GRM7: variants seen among roughly 807,000 people sequenced by gnomAD.
The protein encoded by GRM7 is metabotropic glutamate receptor 7.
A neutral mutation model predicts 84.5 loss-of-function variants in GRM7; 35 were observed. That is an observed-to-expected ratio of 0.41 (90% CI 0.32 to 0.55). The LOEUF (loss-of-function observed/expected upper bound fraction) is 0.55, where lower values mean the gene tolerates loss of function less well. GRM7 is among the 20% of genes least tolerant of loss of function. GRM7 has a pLI of 0.19. For missense variants in GRM7, 1,003 were observed against 1,194.6 expected (o/e 0.84, Z 2.36); for synonymous variants, 487 against 455.1 (o/e 1.07, Z -0.89).
intron 1 of GRM7, among the ~76,000 whole-genome samples, chr3:6,981,023 C>A (rs555298156): frequency 6.6e-6 from 1 of 152,078 alleles, no homozygotes; most frequent in African/African-American, 2.4e-5. Context: ...TGAGGAAGAA[C>A]CAAGGTAGAG....
At chr3:7,703,917 C>A (rs1701307521) in intron 9 of GRM7, among the ~76,000 whole-genome samples, 1 of 152,088 alleles carries the variant, frequency 6.6e-6, no homozygotes. Context: ...TGAAACTGTC[C>A]CTTCATACTA....
chr3:6,900,965 G>C (rs1460449107), intron 1 of GRM7, among the ~76,000 whole-genome samples: 1 of 152,142 alleles, frequency 6.6e-6, no homozygotes. Context: ...TTTTTGTGAT[G>C]CCTGCTCTAC....
chr3:7,736,657 T>A (rs1417842763), intron 9 of GRM7, among the ~76,000 whole-genome samples: 1 of 152,096 alleles, frequency 6.6e-6, no homozygotes, highest in Non-Finnish European at 1.5e-5. Flanking sequence ...TATGGGGGGA[T>A]GGGGAAGAAC....
At chr3:7,269,805 T>C (rs1348949085) in intron 2 of GRM7, among the ~76,000 whole-genome samples, 2 of 152,222 alleles carry the variant, frequency 1.3e-5, no homozygotes, top group African/African-American at 4.8e-5. Context: ...TCTTCTCTTA[T>C]ATTTGTCTCA....
chr3:7,119,220 G>T (rs747205898), intron 1 of GRM7, among the ~76,000 whole-genome samples: 1 of 151,848 alleles, frequency 6.6e-6, no homozygotes, highest in South Asian at 2.1e-4. Flanking sequence ...CCTCAGTATT[G>T]TTTTCCCATA....
At chr3:7,685,788 TAA>T (rs199948429) in intron 9 of GRM7, among the ~76,000 whole-genome samples, 2 of 142,312 alleles carry the variant, frequency 1.4e-5, no homozygotes, top group African/African-American at 2.6e-5. Flanking sequence ...GTATGTTATT[TAA>T]AAAAAAAAAA....
At chr3:7,297,949 T>A (rs776007614) in intron 2 of GRM7, among the ~76,000 whole-genome samples, 1 of 152,224 alleles carries the variant, frequency 6.6e-6, no homozygotes, top group Non-Finnish European at 1.5e-5. Context: ...TTCTCCATCT[T>A]GAAATTCATA....
intron 8 of GRM7, among the ~76,000 whole-genome samples, chr3:7,582,191 A>C (rs1175049105): frequency 1.3e-5 from 2 of 152,240 alleles, no homozygotes; most frequent in East Asian, 1.9e-4. Context: ...AATGTTTTCT[A>C]TAAAAAGCAA....
At chr3:7,225,666 C>T (rs188908204) in intron 2 of GRM7, among the ~76,000 whole-genome samples, 3 of 151,268 alleles carry the variant, frequency 2.0e-5, no homozygotes, top group Admixed American at 2.0e-4. Context: ...CTCCAAGTTG[C>T]CAAGGTGATT....
At chr3:7,376,816 C>G (rs760956101) in intron 4 of GRM7, among the ~76,000 whole-genome samples, 15 of 152,070 alleles carry the variant, frequency 9.9e-5, no homozygotes, top group Non-Finnish European at 1.8e-4. Flanking sequence ...CCATTAGGAG[C>G]GGGAGAATTC....
chr3:7,176,204 A>AAGG (rs1358730013), intron 2 of GRM7, among the ~76,000 whole-genome samples: 1 of 148,178 alleles, frequency 6.7e-6, no homozygotes, highest in Non-Finnish European at 1.5e-5. Flanking sequence ...TGGGCAACAT[A>AAGG]AGGAGACCTC....
chr3:7,006,027 T>G (rs1695172451), intron 1 of GRM7, among the ~76,000 whole-genome samples: 2 of 152,136 alleles, frequency 1.3e-5, no homozygotes, highest in Non-Finnish European at 2.9e-5. Context: ...AGAGGTATAA[T>G]GCCTCAAAAG....
At chr3:7,302,638 C>G (rs1156391366) in intron 3 of GRM7, among the ~76,000 whole-genome samples, 4 of 151,818 alleles carry the variant, frequency 2.6e-5, no homozygotes, top group African/African-American at 9.7e-5. Context: ...TTTTGGTCAG[C>G]TTTTATTTTG....
At chr3:7,474,508 GT>G (rs1212154106) in intron 7 of GRM7, among the ~76,000 whole-genome samples, 2 of 150,098 alleles carry the variant, frequency 1.3e-5, no homozygotes, top group Non-Finnish European at 3.0e-5. Context: ...AATGAGAAAA[GT>G]CCCCCTTGAT....
At chr3:7,320,414 G>T (rs1337329827) in intron 4 of GRM7, among the ~76,000 whole-genome samples, 2 of 151,992 alleles carry the variant, frequency 1.3e-5, no homozygotes, top group East Asian at 3.9e-4. Flanking sequence ...TTGGACAAAG[G>T]GGGTATGATC....
At position 7,187,583 on chromosome 3, in the gene GRM7, T is replaced by C. The variant is rs554843211; in HGVS notation, c.736+40915T>C. Among the ~76,000 whole-genome samples, 42 of 152,262 alleles carry C rather than the reference T, an allele frequency of 2.8e-4. 1 individual carries two copies. In the South Asian group the frequency reaches 8.5e-3, roughly 31 times the overall value. ...GTTACAGGTCTGATGGCGTTGCAGC[T>C]CCGTGATTGCTCCTGCAGAGCAGGG... On this transcript the variant is annotated intron_variant, in intron 2 of 9. Coordinates refer to ENST00000357716, the MANE Select transcript of GRM7 (RefSeq NM_000844.4).
intron 2 of GRM7, among the ~76,000 whole-genome samples, chr3:7,251,189 A>C (rs1697971472): frequency 6.6e-6 from 1 of 152,184 alleles, no homozygotes; most frequent in African/African-American, 2.4e-5. Context: ...GAGTACCAAA[A>C]GGGATGTAGC....
At chr3:7,450,149 AAAAG>A (rs1697707642) in intron 5 of GRM7, among the ~76,000 whole-genome samples, 3 of 152,160 alleles carry the variant, frequency 2.0e-5, no homozygotes, top group African/African-American at 7.2e-5. Flanking sequence ...AGTTTACAAA[AAAAG>A]AAACAAGTTT....
chr3:7,551,063 T>C (rs1392021501), intron 7 of GRM7, among the ~76,000 whole-genome samples: 1 of 152,174 alleles, frequency 6.6e-6, no homozygotes, highest in Non-Finnish European at 1.5e-5. Context: ...ATATGAAAAA[T>C]ACTCCATCAA....
Sources: gnomAD v4.1 joint callset for allele counts (sites outside exome capture counted in the v4.1 genomes callset) on GRCh38, gnomAD v4.1.1 for gene constraint, MANE v1.5 for transcripts, NCBI Gene and HGNC (gene_info 2026-07-23, HGNC 2026-07-21) for gene names.